DDX10: variants seen among roughly 807,000 people sequenced by gnomAD.
DDX10 encodes the protein DEAD-box helicase 10.
Under a neutral mutation model 104.3 loss-of-function variants are expected in DDX10, and 74 were observed. The observed-to-expected ratio is 0.71, with a 90% CI of 0.59 to 0.86. The LOEUF is 0.86. Ranked by LOEUF, DDX10 falls within the 40% of genes least tolerant of loss-of-function variation. The pLI is 0.00. For synonymous variants in DDX10, 351 were observed against 353.4 expected (o/e 0.99, Z 0.08); for missense variants, 952 against 1,040.0 (o/e 0.92, Z 1.16).
At chr11:108,728,861 A>T (rs1441560335) in intron 13 of DDX10, among the ~76,000 whole-genome samples, 2 of 152,098 alleles carry the variant, frequency 1.3e-5, no homozygotes, top group African/African-American at 4.8e-5. Flanking sequence ...CTAGGTATAT[A>T]TATTTCCCCA....
At chr11:108,817,543 T>A (rs2134574059) in intron 13 of DDX10, among the ~76,000 whole-genome samples, 1 of 152,350 alleles carries the variant, frequency 6.6e-6, no homozygotes, top group Non-Finnish European at 1.5e-5. Flanking sequence ...TCTCTAACAC[T>A]TAAAAACTCC....
At chr11:108,827,496 G>A (rs953085934) in intron 13 of DDX10, among the ~76,000 whole-genome samples, 1 of 152,112 alleles carries the variant, frequency 6.6e-6, no homozygotes, top group Non-Finnish European at 1.5e-5. Context: ...TATGGTCAAG[G>A]TTTACTATAG....
intron 13 of DDX10, among the ~76,000 whole-genome samples, chr11:108,740,581 G>T (rs1448084911): frequency 1.3e-5 from 2 of 152,176 alleles, no homozygotes; most frequent in African/African-American, 4.8e-5. Flanking sequence ...CACAGTGGCT[G>T]AACTAATTTA....
chr11:108,870,541 T>G (rs886795077), intron 16 of DDX10, among the ~76,000 whole-genome samples: 6 of 152,214 alleles, frequency 3.9e-5, no homozygotes. Flanking sequence ...CTAAGCAGAT[T>G]CTGGCCTTCG....
intron 16 of DDX10, among the ~76,000 whole-genome samples, chr11:108,867,871 T>TTTTATATAAC (rs1863027419): frequency 6.6e-6 from 1 of 152,160 alleles, no homozygotes; most frequent in Non-Finnish European, 1.5e-5. Context: ...CAGAGGGCAC[T>TTTTATATAAC]ACTTTATTAT....
At chr11:108,864,614 C>T (rs1862984170) in intron 16 of DDX10, among the ~76,000 whole-genome samples, 1 of 151,950 alleles carries the variant, frequency 6.6e-6, no homozygotes, top group East Asian at 1.9e-4. Context: ...GCTGGAACCA[C>T]ACCTGGATAA....
intron 16 of DDX10, among the ~76,000 whole-genome samples, chr11:108,862,368 A>G (rs764449485): frequency 6.6e-6 from 1 of 152,152 alleles, no homozygotes; most frequent in East Asian, 1.9e-4. Flanking sequence ...AGATCTCTTT[A>G]TATGCTTTCA....
At chr11:108,893,426 T>G (rs1021864320) in intron 16 of DDX10, among the ~76,000 whole-genome samples, 1 of 152,128 alleles carries the variant, frequency 6.6e-6, no homozygotes, top group South Asian at 2.1e-4. Flanking sequence ...TGTGAAATTC[T>G]AACAGATTTT....
intron 16 of DDX10, among the ~76,000 whole-genome samples, chr11:108,903,828 A>C (rs941113037): frequency 2.0e-5 from 3 of 152,172 alleles, no homozygotes; most frequent in African/African-American, 7.2e-5. Context: ...TACCATTTAT[A>C]GGACATTTAT....
At chr11:108,727,914 A>G in intron 13 of DDX10, 1 of 167,782 alleles carries the variant, frequency 6.0e-6, no homozygotes, top group Non-Finnish European at 1.3e-5. Flanking sequence ...TTCCTATTTG[A>G]ACAACTACAT....
intron 13 of DDX10, among the ~76,000 whole-genome samples, chr11:108,802,892 T>G (rs1862042780): frequency 6.6e-6 from 1 of 152,220 alleles, no homozygotes; most frequent in African/African-American, 2.4e-5. Context: ...CCCCTAGACT[T>G]GGGTGTAGAT....
chr11:108,773,285 A>G lies in DDX10; in HGVS notation c.1965+49823A>G, dbSNP rs567618738. Among the ~76,000 whole-genome samples the G allele has an allele frequency of 8.5e-5, 13 of 152,344 alleles. No individual in the cohort carries two copies. The East Asian group carries it at 2.5e-3, about 29-fold the overall frequency. The stretch of plus-strand genomic sequence containing the variant: ...AGAGTAAATCTTTTAAGTGACAGAA[A>G]GCAAACTCAACCCTAACTTTGTTTT... On this transcript the variant is annotated intron_variant, in intron 13 of 17. Transcript: ENST00000322536.
At chr11:108,846,697 C>T (rs912755815) in intron 15 of DDX10, among the ~76,000 whole-genome samples, 1 of 152,166 alleles carries the variant, frequency 6.6e-6, no homozygotes, top group African/African-American at 2.4e-5. Flanking sequence ...TTCAGTTTTT[C>T]CACATCTTGA....
intron 13 of DDX10, among the ~76,000 whole-genome samples, chr11:108,782,840 C>A (rs1861724961): frequency 6.6e-6 from 1 of 152,028 alleles, no homozygotes; most frequent in African/African-American, 2.4e-5. Context: ...TCAGAGAGAC[C>A]AAATCACGAA....
rs566135463 is a variant in DDX10 at position 108,871,780 on chromosome 11, T to C, written c.2304+19571T>C. 9.0e-4 allele frequency among the ~76,000 whole-genome samples: 137 copies of C among 152,204 alleles called. 1 individual carries two copies. The highest frequency in any genetic ancestry group is 3.2e-3 in the African/African-American group (134 of 41,526). Reference sequence around the variant, plus strand: ...CCCATCTCTACTAAAAATACAAAACTAGCCGGGAGTGGTGTCACATGCCTG... The same window carrying C: ...CCCATCTCTACTAAAAATACAAAACCAGCCGGGAGTGGTGTCACATGCCTG... On this transcript the variant is annotated intron_variant, in intron 16 of 17. Coordinates refer to ENST00000322536, the MANE Select transcript of DDX10 (RefSeq NM_004398.4).
At chr11:108,894,361 C>A (rs1863413906) in intron 16 of DDX10, among the ~76,000 whole-genome samples, 1 of 151,986 alleles carries the variant, frequency 6.6e-6, no homozygotes, top group Admixed American at 6.6e-5. Flanking sequence ...CTTTCTAATA[C>A]ACTTGAGATG....
chr11:108,678,533 T>C lies in DDX10; in HGVS notation c.658+98T>C, dbSNP rs2094229510. On this transcript the variant is annotated intron_variant, in intron 5 of 17. Coordinates refer to ENST00000322536, the MANE Select transcript of DDX10 (RefSeq NM_004398.4). ...TGATAGAAATTTTATGTTAGATAAA[T>C]GTTATGATTCAAAACAAACTTAAAA... The C allele has an allele frequency of 3.2e-6, 4 of 1,256,320 alleles. No individual in the cohort carries two copies. In the South Asian group the frequency reaches 8.0e-5, roughly 25 times the overall value. 77.8% of individuals were successfully genotyped at this position (1,256,320 alleles called of 1,614,324 possible).
chr11:108,759,375 G>A (rs1379785908), intron 13 of DDX10, among the ~76,000 whole-genome samples: 3 of 151,744 alleles, frequency 2.0e-5, no homozygotes, highest in Non-Finnish European at 2.9e-5. Context: ...TGGCCATGTG[G>A]GTACTCCACT....
rs527543296 is a variant in DDX10 at position 108,751,733 on chromosome 11, T to G, written c.1965+28271T>G. Among the ~76,000 whole-genome samples, 67 of 152,260 alleles carry G rather than the reference T, an allele frequency of 4.4e-4. 1 individual carries two copies. The highest frequency in any genetic ancestry group is 7.6e-4 in the Non-Finnish European group (52 of 68,006). On this transcript the variant is annotated intron_variant, in intron 13 of 17. Transcript: ENST00000322536. ...AGTAGTTCGATAACCTAATAACTAG[T>G]TAGTAGAAAACTTAAGATTCACATC...
Sources: gnomAD v4.1 joint callset for allele counts (sites outside exome capture counted in the v4.1 genomes callset) on GRCh38, gnomAD v4.1.1 for gene constraint, MANE v1.5 for transcripts, NCBI Gene and HGNC (gene_info 2026-07-23, HGNC 2026-07-21) for gene names.